KLF3: variants seen among roughly 807,000 people sequenced by gnomAD.
The protein encoded by KLF3 is KLF transcription factor 3.
A neutral mutation model predicts 32.7 loss-of-function variants in KLF3; 6 were observed. That is an observed-to-expected ratio of 0.18 (90% CI 0.10 to 0.36). The LOEUF (loss-of-function observed/expected upper bound fraction) is 0.36. Ranked by LOEUF, KLF3 falls within the 10% of genes least tolerant of loss-of-function variation. The pLI, the probability that KLF3 is intolerant of heterozygous loss-of-function variation, is 1.00. For missense variants in KLF3, 338 were observed against 449.7 expected, an observed-to-expected ratio of 0.75 and a Z score of 2.25; for synonymous variants, 145 against 172.8, an observed-to-expected ratio of 0.84 and a Z score of 1.26.
intron 4 of KLF3, 86 bp from the exon 5 acceptor site, chr4:38,694,660 G>A: frequency 8.7e-7 from 1 of 1,155,160 alleles, no homozygotes. Context: ...GTTTGTTTTT[G>A]CCCAGTGTTG....
intron 4 of KLF3, 113 bp from the exon 5 acceptor site, chr4:38,694,630 TTTG>T: frequency 4.4e-6 from 4 of 903,688 alleles, no homozygotes; most frequent in Non-Finnish European, 6.6e-6. Context: ...TTTTGTTTAT[TTTG>T]TTGGGATTTT....
chr4:38,676,097 T>C (rs1319800816), intron 1 of KLF3, among the ~76,000 whole-genome samples: 1 of 152,198 alleles, frequency 6.6e-6, no homozygotes, highest in Non-Finnish European at 1.5e-5. Context: ...TTTAGTTCCT[T>C]CCTAGCTTGG....
At chr4:38,666,853 T>C (rs1404233245) in intron 1 of KLF3, among the ~76,000 whole-genome samples, 1 of 152,218 alleles carries the variant, frequency 6.6e-6, no homozygotes, top group East Asian at 1.9e-4. Context: ...GTAATCTGAA[T>C]TCCTAACAGC....
Position 38,698,155 on chromosome 4 carries a change from T to C in KLF3, c.*892T>C, listed in dbSNP as rs1035947812. On this transcript the variant is annotated 3_prime_UTR_variant, in exon 6 of 6. Transcript: ENST00000261438. The stretch of plus-strand genomic sequence containing the variant: ...ATACCGATGGGGTTATCCATGCAAC[T>C]ATCTCCATTCCTACAATGTCCTTAA... 2.6e-5 allele frequency: 4 copies of C among 152,240 alleles called. No homozygotes were observed. The highest frequency in any genetic ancestry group is 9.6e-5 in the African/African-American group (4 of 41,460). The allele number at this position is 152,240 out of a possible 1,614,324, so 9.4% of individuals were successfully genotyped here.
chr4:38,675,396 C>G (rs1722313990), intron 1 of KLF3, among the ~76,000 whole-genome samples: 1 of 151,908 alleles, frequency 6.6e-6, no homozygotes, highest in African/African-American at 2.4e-5. Context: ...CCCTTCCCCC[C>G]CCTTTTGGAT....
At chr4:38,676,704 ATTC>A (rs2109242249) in intron 1 of KLF3, among the ~76,000 whole-genome samples, 1 of 152,268 alleles carries the variant, frequency 6.6e-6, no homozygotes, top group East Asian at 1.9e-4. Flanking sequence ...GTTTGATTCT[ATTC>A]TTTGTGATAT....
intron 1 of KLF3, among the ~76,000 whole-genome samples, chr4:38,669,370 C>CT (rs1357904674): frequency 6.6e-6 from 1 of 152,046 alleles, no homozygotes; most frequent in Non-Finnish European, 1.5e-5. Flanking sequence ...CACTCTGTTC[C>CT]TTTCTTAGAC....
At position 38,678,313 on chromosome 4, in the gene KLF3, G is replaced by A. The variant is rs749119085; in HGVS notation, c.-39-2274G>A. Among the ~76,000 whole-genome samples the A allele has an allele frequency of 9.9e-5, 15 of 152,248 alleles. 1 individual carries two copies. The highest frequency in any genetic ancestry group is 9.1e-4 in the Admixed American group (14 of 15,302). On this transcript the variant is annotated intron_variant, in intron 1 of 5. Transcript: ENST00000261438. ...ACAATTCTTAGAACCATGTTCATCC[G>A]TACAGCTGCTAGTCTGGGAACTGCT...
rs546957310 is a variant in KLF3, at chr4:38,700,395, A to G, written c.*3132A>G. The G allele has an allele frequency of 6.6e-6, 1 of 152,350 alleles. No individual in the cohort carries two copies. Among genetic ancestry groups the G allele is most frequent in the South Asian group, 2.1e-4 (1 of 4,832 alleles). 9.4% of individuals were successfully genotyped at this position (152,350 alleles called of 1,614,324 possible). A position where few individuals can be genotyped will look rare whatever the true frequency, so the allele number is the denominator to read the frequency against. ...TTAGATTGTTGTAAAGACAATCTGA[A>G]AGATCTAAGGTTTTAAAATAATTTG... is the stretch of plus-strand genomic sequence containing the variant. On this transcript the variant is annotated 3_prime_UTR_variant, in exon 6 of 6. Coordinates refer to ENST00000261438, the MANE Select transcript of KLF3 (RefSeq NM_016531.6).
At chr4:38,678,065 G>A (rs756801560) in intron 1 of KLF3, among the ~76,000 whole-genome samples, 4 of 151,882 alleles carry the variant, frequency 2.6e-5, no homozygotes, top group South Asian at 2.1e-4. Flanking sequence ...ATACACCTGA[G>A]AATGTGAATG....
chr4:38,676,315 C>T (rs1461643612), intron 1 of KLF3, among the ~76,000 whole-genome samples: 2 of 152,096 alleles, frequency 1.3e-5, no homozygotes, highest in African/African-American at 4.8e-5. Flanking sequence ...GTGGTGCATG[C>T]CTGTAATCCC....
chr4:38,680,533 T>A, intron 1 of KLF3, 54 bp from the exon 2 acceptor site: 1 of 899,732 alleles, frequency 1.1e-6, no homozygotes, highest in Admixed American at 1.8e-5. Flanking sequence ...TTTTTACTAG[T>A]TTGTATTTAA....
intron 4 of KLF3, among the ~76,000 whole-genome samples, chr4:38,692,196 A>G (rs1276288216): frequency 6.6e-6 from 1 of 152,252 alleles, no homozygotes; most frequent in Non-Finnish European, 1.5e-5. Flanking sequence ...ACAGTGGACA[A>G]GATATCTTAT....
intron 5 of KLF3, 65 bp downstream of exon 5, chr4:38,694,971 T>C: frequency 6.7e-7 from 1 of 1,501,650 alleles, no homozygotes; most frequent in South Asian, 1.3e-5. Context: ...AATGCAAAGG[T>C]TGTTACGATC....
chr4:38,689,171 C>A, intron 3 of KLF3, 100 bp downstream of exon 3: 1 of 1,436,476 alleles, frequency 7.0e-7, no homozygotes, highest in Non-Finnish European at 9.5e-7. Context: ...AGCTGTTGAA[C>A]TCTTCAAAGG....
chr4:38,671,400 G>A lies in KLF3; in HGVS notation c.-40+6939G>A, dbSNP rs192278825. Among the ~76,000 whole-genome samples the A allele has an allele frequency of 9.9e-4, 151 of 152,338 alleles. 2 individuals carry two copies. Among genetic ancestry groups the A allele is most frequent in the African/African-American group, 3.5e-3 (147 of 41,574 alleles). On this transcript the variant is annotated intron_variant, in intron 1 of 5. Transcript: ENST00000261438. This position sits in a 1 kb window ranked among gnomAD's most constrained non-coding sequence, Gnocchi z 4.4. The stretch of plus-strand genomic sequence containing the variant: ...ATAATTGCCTAATTTGGGGCCTTCA[G>A]AATGTGTCTTTTGATCTTGCATCCA...
intron 2 of KLF3, among the ~76,000 whole-genome samples, chr4:38,684,544 T>G (rs1346126899): frequency 5.3e-4 from 13 of 24,366 alleles, no homozygotes; most frequent in South Asian, 2.1e-3. Flanking sequence ...TTTTTGTGTT[T>G]TTTTTTTTTT....
intron 1 of KLF3, among the ~76,000 whole-genome samples, chr4:38,666,379 T>C (rs903038515): frequency 1.3e-5 from 2 of 150,998 alleles, no homozygotes; most frequent in African/African-American, 4.9e-5. Flanking sequence ...CTTTTTTTCC[T>C]TTTTTTTTCT....
intron 3 of KLF3, among the ~76,000 whole-genome samples, chr4:38,689,408 A>G (rs889523139): frequency 6.6e-5 from 10 of 152,258 alleles, no homozygotes; most frequent in African/African-American, 2.4e-4. Context: ...GATTGTGGTG[A>G]AAACTAATGG....
Sources: gnomAD v4.1 joint callset for allele counts (sites outside exome capture counted in the v4.1 genomes callset) on GRCh38, gnomAD v4.1.1 for gene constraint, Gnocchi (gnomAD v3.1) non-coding constraint, MANE v1.5 for transcripts, NCBI Gene and HGNC (gene_info 2026-07-23, HGNC 2026-07-21) for gene names.